Variants in PLXNC1 observed in about 807,000 individuals in gnomAD.
The protein encoded by PLXNC1 is plexin C1, also known as plexin-C1.
In PLXNC1, 75 loss-of-function variants were observed where a neutral mutation model predicts 178.2. The ratio of observed to expected loss-of-function variants is 0.42; its 90% CI spans 0.35 to 0.51. The LOEUF is 0.51. Ranked by LOEUF, PLXNC1 falls within the 20% of genes least tolerant of loss-of-function variation. PLXNC1 has a pLI of 0.02. For missense variants in PLXNC1, 1,503 were observed against 1,984.4 expected (o/e 0.76, Z 4.61); for synonymous variants, 790 against 779.9 (o/e 1.01, Z -0.22).
intron 1 of PLXNC1, among the ~76,000 whole-genome samples, chr12:94,153,928 A>T (rs1326431623): frequency 6.6e-6 from 1 of 152,166 alleles, no homozygotes; most frequent in Non-Finnish European, 1.5e-5. Context: ...CAAAATCCGC[A>T]GTCTTCTTGT....
rs572315207 is a variant in PLXNC1, at chr12:94,163,822, C to T, written c.1063-5331C>T. On this transcript the variant is annotated intron_variant, in intron 1 of 30. Coordinates refer to ENST00000258526, the MANE Select transcript of PLXNC1 (RefSeq NM_005761.3). ...GAGCTGCCATAACTTAGTCAGATCC[C>T]GGTCAACACTGTATACACTAGAATG... 2.0e-5 allele frequency among the ~76,000 whole-genome samples: 3 copies of T among 152,210 alleles called. No individual in the cohort carries two copies. The South Asian group carries it at 6.2e-4, about 32-fold the overall frequency.
chr12:94,219,803 T>TTTTATTTA lies in PLXNC1; in HGVS notation c.1555-175_1555-168dup, dbSNP rs61371301. 1.0e-3 allele frequency among the ~76,000 whole-genome samples: 116 copies of TTTTATTTA among 116,480 alleles called. 2 individuals carry two copies. The highest frequency in any genetic ancestry group is 7.8e-3 in the East Asian group (26 of 3,342). 76.4% of individuals were successfully genotyped at this position (116,480 alleles called of 152,430 possible). A position where few individuals can be genotyped will look rare whatever the true frequency, so the allele number is the denominator to read the frequency against. On this transcript the variant is annotated intron_variant, in intron 5 of 30. Transcript: ENST00000258526. ...CAACAAAACATCTATTCTTTTATAT[T>TTTTATTTA]TTTATTTATTTATTTATTTATTTAT...
At chr12:94,201,433 A>G (rs1345064819) in intron 4 of PLXNC1, among the ~76,000 whole-genome samples, 1 of 152,170 alleles carries the variant, frequency 6.6e-6, no homozygotes, top group Non-Finnish European at 1.5e-5. Context: ...ATTTTCCCAT[A>G]TAATATAATA....
At chr12:94,161,651 G>A (rs556904843) in intron 1 of PLXNC1, among the ~76,000 whole-genome samples, 3 of 152,300 alleles carry the variant, frequency 2.0e-5, no homozygotes, top group Admixed American at 6.5e-5. Context: ...CACATTTTAA[G>A]TACACTGAAT....
At chr12:94,261,599 T>C (rs1964989255) in intron 20 of PLXNC1, among the ~76,000 whole-genome samples, 1 of 152,190 alleles carries the variant, frequency 6.6e-6, no homozygotes, top group Non-Finnish European at 1.5e-5. Context: ...AAAATAAGGG[T>C]GTCCTGTTGA....
intron 10 of PLXNC1, among the ~76,000 whole-genome samples, chr12:94,239,771 G>A (rs779221876): frequency 6.6e-6 from 1 of 152,210 alleles, no homozygotes; most frequent in Non-Finnish European, 1.5e-5. Flanking sequence ...TCCCAGCCTG[G>A]ATACTCCTTA....
intron 1 of PLXNC1, among the ~76,000 whole-genome samples, chr12:94,152,826 C>A (rs929591386): frequency 6.6e-6 from 1 of 152,180 alleles, no homozygotes; most frequent in Middle Eastern, 3.2e-3. Context: ...GTTCTCTTAT[C>A]TCTTGTCACT....
chr12:94,240,694 A>T (rs756836279), intron 11 of PLXNC1, 30 bp downstream of exon 11: 16 of 1,542,510 alleles, frequency 1.0e-5, no homozygotes, highest in Non-Finnish European at 1.4e-5. Flanking sequence ...TCTTTTTCTC[A>T]TTGTGGTTAA....
intron 4 of PLXNC1, among the ~76,000 whole-genome samples, chr12:94,195,640 A>G (rs1427857639): frequency 6.6e-6 from 1 of 151,780 alleles, no homozygotes; most frequent in Non-Finnish European, 1.5e-5. Flanking sequence ...TTCACTCCAT[A>G]TTTTTCTACA....
chr12:94,254,923 C>G (rs576430699), intron 16 of PLXNC1, 35 bp downstream of exon 16: 4 of 1,479,060 alleles, frequency 2.7e-6, no homozygotes, highest in African/African-American at 1.4e-5. Context: ...GAAAAACAAG[C>G]CTTTTATATT....
chr12:94,259,799 C>T (rs1964945418), intron 19 of PLXNC1, 65 bp downstream of exon 19: 4 of 1,435,498 alleles, frequency 2.8e-6, no homozygotes, highest in South Asian at 2.9e-5. Context: ...CATGGTGGCT[C>T]ATGGCTGTAA....
chr12:94,255,471 T>C (rs1964813770), intron 17 of PLXNC1, among the ~76,000 whole-genome samples, 175 bp downstream of exon 17: 1 of 152,218 alleles, frequency 6.6e-6, no homozygotes, highest in Non-Finnish European at 1.5e-5. Context: ...TTGCATTGAT[T>C]AGGGTATAAA....
chr12:94,148,934 C>T lies in PLXNC1; in HGVS notation c.-38C>T. ...TGCCGCGCGCCTGAGCCGCCGTCGC[C>T]GCCGCGCGCCCTGCCCGGGGGCGGC... On this transcript the variant is annotated 5_prime_UTR_variant, in exon 1 of 31. Transcript: ENST00000258526. The surrounding 1 kb of genome is among the most constrained non-coding windows in gnomAD (Gnocchi z 4.8). 3 of 891,398 alleles carry T rather than the reference C, an allele frequency of 3.4e-6. No individual in the cohort carries two copies. The highest frequency in any genetic ancestry group is 4.3e-6 in the Non-Finnish European group (3 of 694,100). 55.2% of individuals were successfully genotyped at this position (891,398 alleles called of 1,614,324 possible). A position where few individuals can be genotyped will look rare whatever the true frequency, so the allele number is the denominator to read the frequency against.
chr12:94,257,929 A>G (rs1375870509), intron 17 of PLXNC1, among the ~76,000 whole-genome samples: 3 of 150,426 alleles, frequency 2.0e-5, no homozygotes, highest in African/African-American at 7.4e-5. Flanking sequence ...ATAAATAAAT[A>G]AAAAGAATTG....
intron 21 of PLXNC1, among the ~76,000 whole-genome samples, chr12:94,278,430 GT>G (rs1212097100): frequency 1.3e-5 from 2 of 152,216 alleles, no homozygotes; most frequent in East Asian, 3.8e-4. Context: ...TTTTCAGTTT[GT>G]TTTGAAATAT....
chr12:94,297,378 G>A lies in PLXNC1; in HGVS notation c.4029G>A (p.Lys1343=). The change falls in exon 26 of 31, where the codon AAG becomes AAA. Residue 1343 remains lysine, a synonymous_variant. Transcript: ENST00000258526. ...VQGKRHRGKH[K]FKVKEMYLTK... ...GAAAGAGACATCGAGGGAAGCACAA[G>A]TTCAAAGTAAAAGAAATGTATCTGA... 6.2e-7 allele frequency: 1 copy of A among 1,613,970 alleles called. No individual in the cohort carries two copies. Among genetic ancestry groups the A allele is most frequent in the Non-Finnish European group, 8.5e-7 (1 of 1,179,918 alleles).
chr12:94,243,365 G>GAAA (rs1205276859), intron 11 of PLXNC1, among the ~76,000 whole-genome samples: 1 of 152,228 alleles, frequency 6.6e-6, no homozygotes, highest in Non-Finnish European at 1.5e-5. Context: ...TATGCACTGA[G>GAAA]AAACGTGAAG....
intron 1 of PLXNC1, among the ~76,000 whole-genome samples, chr12:94,155,337 TAC>T (rs1472338603): frequency 1.3e-5 from 2 of 152,204 alleles, no homozygotes; most frequent in Non-Finnish European, 2.9e-5. Flanking sequence ...TCTTGGACCC[TAC>T]ACCAGACTTA....
intron 14 of PLXNC1, 122 bp downstream of exon 14, chr12:94,248,534 T>C: frequency 1.2e-6 from 1 of 814,676 alleles, no homozygotes; most frequent in Non-Finnish European, 1.9e-6. Flanking sequence ...AAATAGAAGA[T>C]AAACAAAGCT....
Sources: gnomAD v4.1 joint callset for allele counts (sites outside exome capture counted in the v4.1 genomes callset) on GRCh38, gnomAD v4.1.1 for gene constraint, Gnocchi (gnomAD v3.1) non-coding constraint, MANE v1.5 for transcripts, NCBI Gene and HGNC (gene_info 2026-07-23, HGNC 2026-07-21) for gene names.